Variants in LILRA2 observed in about 807,000 individuals in gnomAD.
LILRA2 encodes leukocyte immunoglobulin like receptor A2, also known as leukocyte immunoglobulin-like receptor subfamily A member 2.
In LILRA2, 45 loss-of-function variants were observed where a neutral mutation model predicts 47.9. The ratio of observed to expected loss-of-function variants is 0.94; its 90% CI spans 0.74 to 1.20. The LOEUF (loss-of-function observed/expected upper bound fraction) is 1.20, where lower values mean the gene tolerates loss of function less well. Ranked by LOEUF, LILRA2 falls within the 50% of genes most tolerant of loss-of-function variation. The pLI is 0.00. For missense variants in LILRA2, 651 were observed against 598.2 expected, an observed-to-expected ratio of 1.09 and a Z score of -0.92; for synonymous variants, 279 against 249.2, an observed-to-expected ratio of 1.12 and a Z score of -1.13.
chr19:54,586,242 A>G (rs949467668), intron 6 of LILRA2, among the ~76,000 whole-genome samples: 3 of 152,206 alleles, frequency 2.0e-5, no homozygotes, highest in African/African-American at 7.2e-5. Context: ...ATTCATCCAT[A>G]TGCTTCACAT....
chr19:54,573,080 C>A (rs2062191439), upstream of LILRA2: 1 of 222,208 alleles, frequency 4.5e-6, no homozygotes, highest in Admixed American at 4.9e-5. Context: ...GCCTCCCAGG[C>A]CGAAGTATTC....
intron 6 of LILRA2, among the ~76,000 whole-genome samples, chr19:54,583,513 T>A (rs1181943603): frequency 6.6e-6 from 1 of 152,182 alleles, no homozygotes; most frequent in Non-Finnish European, 1.5e-5. Context: ...AATTGATCCC[T>A]TTACCATAAT....
At chr19:54,576,574 ACAGTAAGGG>A (rs1194473779) in intron 6 of LILRA2, among the ~76,000 whole-genome samples, 1,815 of 151,754 alleles carry the variant, frequency 0.012, 1 homozygote, top group African/African-American at 0.042. Flanking sequence ...GGGAGGGTGG[ACAGTAAGGG>A]TGTGGTCTGC....
At position 54,574,908 on chromosome 19, in the gene LILRA2, G is replaced by T. The variant is rs1480552730; in HGVS notation, c.530G>T (p.Trp177Leu). ...NSHSHARGWS[W>L]AIFSVGPVSP... ...CATTCCCATGCCCGTGGGTGGTCCTGGGCCATCTTCTCCGTGGGCCCCGTG... is the reference window on the plus strand; with the variant it reads ...CATTCCCATGCCCGTGGGTGGTCCTTGGCCATCTTCTCCGTGGGCCCCGTG... The change falls in exon 4 of 8, where the codon TGG (tryptophan) becomes TTG (leucine). Residue 177 changes from tryptophan (W) to leucine (L), a missense_variant. By Grantham distance (61) the Trp-to-Leu change is moderately conservative. Coordinates refer to ENST00000391738, the MANE Select transcript of LILRA2 (RefSeq NM_001130917.3). The T allele has an allele frequency of 1.9e-6, 3 of 1,613,954 alleles. No individual in the cohort carries two copies. Among genetic ancestry groups the T allele is most frequent in the South Asian group, 2.2e-5 (2 of 91,094 alleles).
At chr19:54,580,213 T>TTTTTTTTTTTTTA (rs1351147526) in intron 6 of LILRA2, among the ~76,000 whole-genome samples, 1 of 142,614 alleles carries the variant, frequency 7.0e-6, no homozygotes, top group African/African-American at 2.8e-5. Flanking sequence ...TTTTTTTTTT[T>TTTTTTTTTTTTTA]ATTATACTCT....
In LILRA2 at chr19:54,589,241, T is replaced by G. The variant is rs904036858; in HGVS notation, c.*1895T>G. ...ACTCTATTTCCAACTATGTTCACAT[T>G]TATAGCTAATGGGGCTCAGGATTTC... On this transcript the variant is annotated 3_prime_UTR_variant, in exon 8 of 8. Coordinates refer to ENST00000391738, the MANE Select transcript of LILRA2 (RefSeq NM_001130917.3). The G allele has an allele frequency of 3.3e-5, 5 of 152,124 alleles. No homozygotes were observed. The highest frequency in any genetic ancestry group is 1.2e-4 in the African/African-American group (5 of 41,430). 9.4% of individuals were successfully genotyped at this position (152,124 alleles called of 1,614,324 possible).
intron 6 of LILRA2, among the ~76,000 whole-genome samples, chr19:54,577,905 TTTAA>T (rs1396204635): frequency 2.0e-5 from 3 of 152,200 alleles, no homozygotes; most frequent in Admixed American, 1.3e-4. Context: ...TATACTCCCC[TTTAA>T]TTGAGTCTTG....
chr19:54,575,481 G>A lies in LILRA2; in HGVS notation c.881G>A (p.Arg294Lys). The change falls in exon 5 of 8, where the codon AGA becomes AAA. Residue 294 changes from arginine (R) to lysine (K), a missense_variant. Physicochemically the swap from Arg to Lys is conservative, Grantham distance 26. Coordinates refer to ENST00000391738, the MANE Select transcript of LILRA2 (RefSeq NM_001130917.3). ...AGCCCCTCCCACGGGGGCCAGTACA[G>A]ATGCTACAGTGCACACAACCTCTCC... ...PVSPSHGGQY[R>K]CYSAHNLSSE... 6.2e-7 allele frequency: 1 copy of A among 1,613,176 alleles called. No homozygotes were observed. Among genetic ancestry groups the A allele is most frequent in the Non-Finnish European group, 8.5e-7 (1 of 1,179,866 alleles).
In LILRA2 at chr19:54,574,992, T is replaced by G; in HGVS notation, c.614T>G (p.Val205Gly). 1 of 1,614,210 alleles carries G rather than the reference T, an allele frequency of 6.2e-7. No individual in the cohort carries two copies. ...CYAYDSNSPY[V>G]WSLPSDLLEL... is the part of the protein sequence containing the mutation. Reference sequence around the variant, plus strand: ...GCTTATGACTCGAACTCTCCCTATGTGTGGTCTCTACCCAGTGATCTCCTG... The same window carrying G: ...GCTTATGACTCGAACTCTCCCTATGGGTGGTCTCTACCCAGTGATCTCCTG... The change falls in exon 4 of 8, where the codon GTG (valine) becomes GGG (glycine). Residue 205 changes from valine to glycine, a missense_variant. By Grantham distance (109) the Val-to-Gly change is moderately radical (BLOSUM62 -3). Transcript: ENST00000391738.
intron 6 of LILRA2, chr19:54,577,560 T>C: frequency 7.8e-7 from 1 of 1,289,740 alleles, no homozygotes; most frequent in Non-Finnish European, 1.0e-6. Context: ...GGGATCTGAC[T>C]GTGATGAGGC....
chr19:54,573,504 T>C, upstream of LILRA2: 2 of 963,872 alleles, frequency 2.1e-6, no homozygotes, highest in Non-Finnish European at 3.3e-6. Flanking sequence ...GGGGAAGCTC[T>C]GAGAAGGAAG....
intron 6 of LILRA2, among the ~76,000 whole-genome samples, chr19:54,584,413 C>T (rs2062736134): frequency 6.6e-6 from 1 of 152,196 alleles, no homozygotes; most frequent in Non-Finnish European, 1.5e-5. Flanking sequence ...GTACACTAGT[C>T]AAACATAAAT....
At position 54,574,530 on chromosome 19, in the gene LILRA2, C is replaced by T. The variant is rs143559771; in HGVS notation, c.300C>T (p.Tyr100=). 114 of 1,614,058 alleles carry T rather than the reference C, an allele frequency of 7.1e-5. 1 individual carries two copies. In the Middle Eastern group the frequency reaches 2.8e-3, roughly 40 times the overall value. Residue 100 remains tyrosine, a synonymous_variant, in exon 3 of 8, where the codon TAC becomes TAT. Coordinates refer to ENST00000391738, the MANE Select transcript of LILRA2 (RefSeq NM_001130917.3). The part of the protein sequence containing the change: ...EHAGRYHCQY[Y]SHNHSSEYSD... ...CAGGGCGGTATCACTGTCAGTACTACAGCCACAATCACTCATCAGAGTACA... is the reference window on the plus strand; with the variant it reads ...CAGGGCGGTATCACTGTCAGTACTATAGCCACAATCACTCATCAGAGTACA...
At position 54,586,407 on chromosome 19, in the gene LILRA2, T is replaced by C. The variant is rs73936601; in HGVS notation, c.1256-603T>C. ...TGGGTGGGTGTGCATGCACGTGTAT[T>C]GCATTCTAGGGGTTACTGCCTGTAT... On this transcript the variant is annotated intron_variant, in intron 6 of 7. Transcript: ENST00000391738. Among the ~76,000 whole-genome samples, 1,209 of 151,442 alleles carry C rather than the reference T, an allele frequency of 8.0e-3. 16 individuals are homozygous for C. Among genetic ancestry groups the C allele is most frequent in the South Asian group, 0.026 (113 of 4,330 alleles).
At position 54,576,040 on chromosome 19, in the gene LILRA2, T is replaced by C; in HGVS notation, c.1186T>C (p.Tyr396His). ...AGCCCACGTGGGGACCTACAGATGC[T>C]ACAGCTCACTCAGCTCCAACCCCTA... ...TSAHVGTYRC[Y>H]SSLSSNPYLL... The change falls in exon 6 of 8, where the codon TAC becomes CAC. Residue 396 changes from tyrosine to histidine, a missense_variant. By Grantham distance (83) the Tyr-to-His change is moderately conservative. Coordinates refer to ENST00000391738, the MANE Select transcript of LILRA2 (RefSeq NM_001130917.3). 1 of 1,614,042 alleles carries C rather than the reference T, an allele frequency of 6.2e-7. No homozygotes were observed. The highest frequency in any genetic ancestry group is 8.5e-7 in the Non-Finnish European group (1 of 1,179,998).
Position 54,575,717 on chromosome 19 carries a change from A to T in LILRA2, c.953-90A>T. On this transcript the variant is annotated intron_variant, in intron 5 of 7. Transcript: ENST00000391738. The stretch of plus-strand genomic sequence containing the variant: ...GGGGAGACTCAGAGAAAACAGAGAC[A>T]GAGAGACTAAGGGTCCCAGGGAGAG... The T allele has an allele frequency of 1.1e-5, 17 of 1,586,742 alleles. No homozygotes were observed. In the South Asian group the frequency reaches 1.7e-4, roughly 16 times the overall value.
At chr19:54,575,054 C>G (rs1258304279) in intron 4 of LILRA2, 21 bp downstream of exon 4, 4 of 1,605,504 alleles carry the variant, frequency 2.5e-6, no homozygotes, top group Non-Finnish European at 3.4e-6. Context: ...CACAGAATTG[C>G]TTGGAGTTCC....
In LILRA2 at chr19:54,575,360, G is replaced by T. The variant is rs200023675; in HGVS notation, c.760G>T (p.Val254Phe). Residue 254 changes from valine (V) to phenylalanine (F), a missense_variant, in exon 5 of 8, where the codon GTT becomes TTT. Coordinates refer to ENST00000391738, the MANE Select transcript of LILRA2 (RefSeq NM_001130917.3). ...CTCTGATGTCGGCTACGACAGATTT[G>T]TTCTGTATAAGGAGGGAGAACGTGA... is the stretch of plus-strand genomic sequence containing the variant. ...CVSDVGYDRF[V>F]LYKEGERDFL... 1 of 1,614,004 alleles carries T rather than the reference G, an allele frequency of 6.2e-7. No homozygotes were observed. The highest frequency in any genetic ancestry group is 8.5e-7 in the Non-Finnish European group (1 of 1,180,000).
intron 6 of LILRA2, chr19:54,577,641 C>T (rs1402882527): frequency 3.1e-6 from 4 of 1,289,654 alleles, no homozygotes; most frequent in Non-Finnish European, 4.0e-6. Flanking sequence ...CACTGCCCCT[C>T]CTGTGCTCAC....
Sources: gnomAD v4.1 joint callset for allele counts (sites outside exome capture counted in the v4.1 genomes callset) on GRCh38, gnomAD v4.1.1 for gene constraint, MANE v1.5 for transcripts, NCBI Gene and HGNC (gene_info 2026-07-23, HGNC 2026-07-21) for gene names.